ZC3H7A: variants seen among roughly 807,000 people sequenced by gnomAD.
The protein encoded by ZC3H7A is zinc finger CCCH domain-containing protein 7A.
A neutral mutation model predicts 125.5 loss-of-function variants in ZC3H7A; 44 were observed. That is an observed-to-expected ratio of 0.35 (90% CI 0.28 to 0.45). ZC3H7A has a LOEUF of 0.45. Among genes scored for constraint, ZC3H7A ranks in the 20% least tolerant of loss-of-function variants. The pLI, the probability that ZC3H7A is intolerant of heterozygous loss-of-function variation, is 1.00. For missense variants in ZC3H7A, 977 were observed against 1,170.7 expected (o/e 0.83, Z 2.41); for synonymous variants, 399 against 391.2 (o/e 1.02, Z -0.23).
At position 11,776,740 on chromosome 16, in the gene ZC3H7A, A is replaced by C. The variant is rs1333520416; in HGVS notation, c.465+11T>G. 3.8e-6 allele frequency: 6 copies of C among 1,585,652 alleles called. No homozygotes were observed. The highest frequency in any genetic ancestry group is 5.1e-6 in the Non-Finnish European group (6 of 1,171,602). On this transcript the variant is annotated intron_variant, in intron 5 of 22. Transcript: ENST00000355758. ...GTTACGATGTAAACAAATAAACTAT[A>C]AATTCCATACCTGAGGCACTGCTAA...
In ZC3H7A at chr16:11,779,150, A is replaced by T. The variant is rs534236489; in HGVS notation, c.306+16T>A. 1.2e-5 allele frequency: 19 copies of T among 1,559,374 alleles called. No individual in the cohort carries two copies. The African/African-American group carries it at 2.6e-4, about 21-fold the overall frequency. On this transcript the variant is annotated intron_variant, in intron 4 of 22. Coordinates refer to ENST00000355758, the MANE Select transcript of ZC3H7A (RefSeq NM_014153.4). ...CTTTTCACTCTAGAAACATCATTTT[A>T]AAAATTACAACTCACCATATTAGAA...
intron 22 of ZC3H7A, 129 bp from the exon 23 acceptor site, chr16:11,751,635 T>A: frequency 1.1e-6 from 1 of 885,552 alleles, no homozygotes; most frequent in Non-Finnish European, 1.7e-6. Flanking sequence ...ATCTCAAGCC[T>A]AGAATGGTAA....
At chr16:11,785,541 T>G (rs2053244470) in intron 1 of ZC3H7A, among the ~76,000 whole-genome samples, 1 of 151,642 alleles carries the variant, frequency 6.6e-6, no homozygotes, top group Non-Finnish European at 1.5e-5. Flanking sequence ...TAACCCAGTG[T>G]CTATCAAAAA....
In ZC3H7A at chr16:11,774,539, G is replaced by A. The variant is rs1314516551; in HGVS notation, c.620-20C>T. On this transcript the variant is annotated intron_variant, in intron 8 of 22. Coordinates refer to ENST00000355758, the MANE Select transcript of ZC3H7A (RefSeq NM_014153.4). ...ATAAATCTGTAACACAGATGGAAAT[G>A]TACTCAGTCACTTTCATCGTACTTA... The A allele has an allele frequency of 6.7e-7, 1 of 1,497,194 alleles. No homozygotes were observed. Among genetic ancestry groups the A allele is most frequent in the Non-Finnish European group, 8.9e-7 (1 of 1,122,802 alleles). 92.7% of individuals were successfully genotyped at this position (1,497,194 alleles called of 1,614,324 possible).
intron 1 of ZC3H7A, among the ~76,000 whole-genome samples, chr16:11,784,542 G>A (rs938421671): frequency 2.5e-4 from 38 of 151,586 alleles, no homozygotes; most frequent in Non-Finnish European, 1.2e-4. Flanking sequence ...AACACAGGGA[G>A]ACCCCCTATC....
intron 21 of ZC3H7A, among the ~76,000 whole-genome samples, chr16:11,754,748 C>T (rs574969588): frequency 9.9e-5 from 15 of 151,478 alleles, no homozygotes; most frequent in South Asian, 2.1e-4. Flanking sequence ...AAAAATTAGC[C>T]GTGCGTGGTG....
rs865993702 is a variant in ZC3H7A, at chr16:11,782,446, A to G, written c.-34-58T>C. On this transcript the variant is annotated intron_variant, in intron 1 of 22. Coordinates refer to ENST00000355758, the MANE Select transcript of ZC3H7A (RefSeq NM_014153.4). Reference sequence around the variant, plus strand: ...GTACCAGGGTCCCTGGACTCCAATGAAAACACCCACAAATCCAGACCTTGT... The same window carrying G: ...GTACCAGGGTCCCTGGACTCCAATGGAAACACCCACAAATCCAGACCTTGT... 2.7e-5 allele frequency: 37 copies of G among 1,395,574 alleles called. No individual in the cohort carries two copies. In the Middle Eastern group the frequency reaches 2.5e-3, roughly 93 times the overall value. The allele number at this position is 1,395,574 out of a possible 1,614,324, so 86.4% of individuals were successfully genotyped here. A position where few individuals can be genotyped will look rare whatever the true frequency, so the allele number is the denominator to read the frequency against.
intron 1 of ZC3H7A, among the ~76,000 whole-genome samples, chr16:11,785,745 G>A (rs944010262): frequency 6.6e-6 from 1 of 152,046 alleles, no homozygotes; most frequent in South Asian, 2.1e-4. Flanking sequence ...TCAGCCTCCC[G>A]AGTAGCTGGG....
In ZC3H7A at chr16:11,774,963, G is replaced by A. The variant is rs548768048; in HGVS notation, c.619+17C>T. ...CTGGCACTATTCAAATTGTTAAGATGATATGTGAAAACATACCTGGCTCAA... is the reference window on the plus strand; with the variant it reads ...CTGGCACTATTCAAATTGTTAAGATAATATGTGAAAACATACCTGGCTCAA... On this transcript the variant is annotated intron_variant, in intron 8 of 22. Transcript: ENST00000355758. The A allele has an allele frequency of 3.2e-4, 512 of 1,613,798 alleles. 5 individuals are homozygous for A. The South Asian group carries it at 5.2e-3, about 16-fold the overall frequency.
Position 11,770,775 on chromosome 16 carries a change from G to C in ZC3H7A, c.1108+8C>G, listed in dbSNP as rs777112647. 1 of 1,603,952 alleles carries C rather than the reference G, an allele frequency of 6.2e-7. No homozygotes were observed. Among genetic ancestry groups the C allele is most frequent in the African/African-American group, 1.3e-5 (1 of 74,532 alleles). On this transcript the variant is annotated splice_region_variant and intron_variant, in intron 10 of 22. Transcript: ENST00000355758. ...TGCAATTGTTTACAATTTAGATTTG[G>C]TTCTTACCTCGTTTGGATTCACTCA...
At chr16:11,761,861 C>G (rs770561784) in intron 18 of ZC3H7A, 49 bp downstream of exon 18, 1 of 1,600,494 alleles carries the variant, frequency 6.2e-7, no homozygotes, top group Non-Finnish European at 8.5e-7. Context: ...TTTATACCTA[C>G]GAAACAGAAA....
chr16:11,792,496 G>T (rs1185188186), intron 1 of ZC3H7A, among the ~76,000 whole-genome samples: 2 of 152,140 alleles, frequency 1.3e-5, no homozygotes, highest in Non-Finnish European at 2.9e-5. Flanking sequence ...ACCTTACATG[G>T]TAACTTTAGA....
At chr16:11,781,632 G>A (rs150765789) in intron 2 of ZC3H7A, among the ~76,000 whole-genome samples, 168 bp from the exon 3 acceptor site, 2,323 of 132,012 alleles carry the variant, frequency 0.018, 31 homozygotes, top group South Asian at 0.027. Context: ...CTACAGTTAT[G>A]GGAAAAAAAA....
chr16:11,784,352 A>G (rs1031079041), intron 1 of ZC3H7A, among the ~76,000 whole-genome samples: 13 of 152,108 alleles, frequency 8.5e-5, no homozygotes, highest in African/African-American at 2.9e-4. Context: ...TTTTTAATTT[A>G]TAAATGTTTT....
rs1597526707 is a variant in ZC3H7A, at chr16:11,752,548, G to A, written c.2726+121C>T. ...GAGCCAAAACCCAAGAATCCTTCAG[G>A]GTCTGTCAGAGCACAGCAACATTAG... is the stretch of plus-strand genomic sequence containing the variant. On this transcript the variant is annotated intron_variant, in intron 22 of 22. Coordinates refer to ENST00000355758, the MANE Select transcript of ZC3H7A (RefSeq NM_014153.4). The A allele has an allele frequency of 6.4e-6, 8 of 1,242,872 alleles. 1 individual carries two copies. The East Asian group carries it at 2.0e-4, about 31-fold the overall frequency. The allele number at this position is 1,242,872 out of a possible 1,614,324, so 77.0% of individuals were successfully genotyped here.
At chr16:11,769,729 A>AAAAAAAAAAAAAAAAAAAAAAAAAAAAG (rs2052939319) in intron 10 of ZC3H7A, among the ~76,000 whole-genome samples, 1 of 138,546 alleles carries the variant, frequency 7.2e-6, no homozygotes, top group African/African-American at 2.7e-5. Context: ...AAAAAAAAAA[A>AAAAAAAAAAAAAAAAAAAAAAAAAAAAG]GCAGGAACTG....
chr16:11,761,503 T>C lies in ZC3H7A; in HGVS notation c.2222A>G (p.Lys741Arg), dbSNP rs1220261990. ...CATCACTCTCATCGCACGCCGGTCT[T>C]TGGTCCACCTAAGAAAAATGGAGTT... ...CSAKARHSWT[K>R]DRRAMRVMSI... The change falls in exon 19 of 23, where the codon AAA becomes AGA. Residue 741 changes from lysine to arginine, a missense_variant. Coordinates refer to ENST00000355758, the MANE Select transcript of ZC3H7A (RefSeq NM_014153.4). The C allele has an allele frequency of 1.2e-6, 2 of 1,614,030 alleles. No homozygotes were observed. The highest frequency in any genetic ancestry group is 1.7e-6 in the Non-Finnish European group (2 of 1,179,968).
At chr16:11,785,900 T>G (rs1158772150) in intron 1 of ZC3H7A, among the ~76,000 whole-genome samples, 2 of 152,178 alleles carry the variant, frequency 1.3e-5, no homozygotes, top group African/African-American at 4.8e-5. Context: ...ATTACAGGCG[T>G]GAGCCACCGC....
chr16:11,765,605 G>A lies in ZC3H7A; in HGVS notation c.1603C>T (p.Leu535=), dbSNP rs1056669921. ...CGGCTGAATGCTCCTTTCCGCTCCAGTGTCCACACATCTATCTCCTCTTGG... is the reference window on the plus strand; with the variant it reads ...CGGCTGAATGCTCCTTTCCGCTCCAATGTCCACACATCTATCTCCTCTTGG... The part of the protein sequence containing the change: ...YCQEEIDVWT[L]ERKGAFSREA... Residue 535 remains leucine, a synonymous_variant, in exon 14 of 23, where the codon CTG becomes TTG. Coordinates refer to ENST00000355758, the MANE Select transcript of ZC3H7A (RefSeq NM_014153.4). The surrounding 1 kb of genome is among the most constrained non-coding windows in gnomAD (Gnocchi z 4.8). 3 of 1,614,172 alleles carry A rather than the reference G, an allele frequency of 1.9e-6. No homozygotes were observed. Among genetic ancestry groups the A allele is most frequent in the African/African-American group, 1.3e-5 (1 of 75,046 alleles).
Sources: gnomAD v4.1 joint callset for allele counts (sites outside exome capture counted in the v4.1 genomes callset) on GRCh38, gnomAD v4.1.1 for gene constraint, Gnocchi (gnomAD v3.1) non-coding constraint, MANE v1.5 for transcripts, NCBI Gene and HGNC (gene_info 2026-07-23, HGNC 2026-07-21) for gene names.